The following ASNSD1 variants were observed in gnomAD, a reference collection of about 807,000 sequenced individuals.
ASNSD1 encodes asparagine synthetase domain-containing protein 1.
A neutral mutation model predicts 48.3 loss-of-function variants in ASNSD1; 36 were observed. That is an observed-to-expected ratio of 0.75 (90% CI 0.57 to 0.99). The LOEUF (loss-of-function observed/expected upper bound fraction) is 0.99. Among genes scored for constraint, ASNSD1 ranks in the 50% least tolerant of loss-of-function variants. The pLI is 0.00. For synonymous variants in ASNSD1, 257 were observed against 262.1 expected, an observed-to-expected ratio of 0.98 and a Z score of 0.19; for missense variants, 714 against 758.2, an observed-to-expected ratio of 0.94 and a Z score of 0.69.
At chr2:189,665,584 TTA>T (rs1289542564) in intron 3 of ASNSD1, 133 bp downstream of exon 3, 106 of 140,476 alleles carry the variant, frequency 7.5e-4, no homozygotes, top group African/African-American at 3.3e-3. Flanking sequence ...GAGTCAACAG[TTA>T]TATATATATG....
At position 189,666,659 on chromosome 2, in the gene ASNSD1, C is replaced by T; in HGVS notation, c.527C>T (p.Ser176Phe). Reference sequence around the variant, plus strand: ...AATCAGTGGCAAGAAGTTCCAGCATCTGGACTTTTCAGAATTGATCTTAAG... The same window carrying T: ...AATCAGTGGCAAGAAGTTCCAGCATTTGGACTTTTCAGAATTGATCTTAAG... ...LANQWQEVPA[S>F]GLFRIDLKST... The change falls in exon 4 of 6, where the codon TCT (serine) becomes TTT (phenylalanine). Residue 176 changes from serine (S) to phenylalanine (F), a missense_variant. By Grantham distance (155) the Ser-to-Phe change is radical (BLOSUM62 -2). Coordinates refer to ENST00000260952, the MANE Select transcript of ASNSD1 (RefSeq NM_019048.4). 1 of 1,614,126 alleles carries T rather than the reference C, an allele frequency of 6.2e-7. No homozygotes were observed. Among genetic ancestry groups the T allele is most frequent in the Non-Finnish European group, 8.5e-7 (1 of 1,179,982 alleles).
intron 1 of ASNSD1, among the ~76,000 whole-genome samples, chr2:189,662,879 A>G (rs571666280): frequency 1.3e-5 from 2 of 150,502 alleles, no homozygotes; most frequent in Non-Finnish European, 3.0e-5. Context: ...GCCCGGGAAG[A>G]TCAAAGCTGC....
chr2:189,669,949 A>G (rs2032892823), intron 5 of ASNSD1, among the ~76,000 whole-genome samples: 1 of 152,180 alleles, frequency 6.6e-6, no homozygotes, highest in South Asian at 2.1e-4. Context: ...TATTGGTTCC[A>G]TATCCCTAAA....
chr2:189,662,135 C>T (rs1205953416), intron 1 of ASNSD1, among the ~76,000 whole-genome samples: 1 of 152,222 alleles, frequency 6.6e-6, no homozygotes, highest in East Asian at 1.9e-4. Context: ...CTCTCCTCAT[C>T]CACCTGTTAG....
At position 189,666,860 on chromosome 2, in the gene ASNSD1, C is replaced by G; in HGVS notation, c.728C>G (p.Pro243Arg). 1 of 1,614,024 alleles carries G rather than the reference C, an allele frequency of 6.2e-7. No homozygotes were observed. The change falls in exon 4 of 6, where the codon CCT becomes CGT. Residue 243 changes from proline (P) to arginine (R), a missense_variant. Pro to Arg is a moderately radical substitution (Grantham distance 103). Coordinates refer to ENST00000260952, the MANE Select transcript of ASNSD1 (RefSeq NM_019048.4). Reference sequence around the variant, plus strand: ...CTGTATCTTGAAAAACCTGTTGTTCCTTTAAATATGATGTTGCCACAAGCT... The same window carrying G: ...CTGTATCTTGAAAAACCTGTTGTTCGTTTAAATATGATGTTGCCACAAGCT... Reference protein sequence around the residue: ...AKLYLEKPVVPLNMMLPQAAL... With the variant: ...AKLYLEKPVVRLNMMLPQAAL...
At position 189,667,543 on chromosome 2, in the gene ASNSD1, ATTGG is replaced by A. The variant is rs781106367; in HGVS notation, c.1418_1421del (p.Trp473Ter). 11 of 1,613,994 alleles carry A rather than the reference ATTGG, an allele frequency of 6.8e-6. No individual in the cohort carries two copies. The highest frequency in any genetic ancestry group is 2.2e-5 in the East Asian group (1 of 44,886). ...TGCAGTCTGGTTTGCTTCTAGAGGA[ATTGG>A]TTGGTTAGTGGCCCAGGAAGGAGTG... On this transcript the variant is annotated frameshift_variant, in exon 4 of 6. Coordinates refer to ENST00000260952, the MANE Select transcript of ASNSD1 (RefSeq NM_019048.4). LOFTEE classifies it high-confidence loss of function.
intron 2 of ASNSD1, 149 bp downstream of exon 2, chr2:189,664,103 ATTCT>A (rs2105683162): frequency 3.0e-6 from 1 of 327,986 alleles, no homozygotes; most frequent in South Asian, 1.6e-4. Flanking sequence ...AAGTGTCTAG[ATTCT>A]TTTTTTAAAT....
chr2:189,661,794 C>T (rs911067444), intron 1 of ASNSD1, among the ~76,000 whole-genome samples, 184 bp downstream of exon 1: 36 of 152,210 alleles, frequency 2.4e-4, no homozygotes, highest in African/African-American at 8.2e-4. Flanking sequence ...AAAACAGTTG[C>T]GAAAAGGGAG....
In ASNSD1 at chr2:189,667,295, A is replaced by G. The variant is rs2032830136; in HGVS notation, c.1163A>G (p.Asp388Gly). 1 of 1,614,042 alleles carries G rather than the reference A, an allele frequency of 6.2e-7. No homozygotes were observed. The highest frequency in any genetic ancestry group is 1.3e-5 in the African/African-American group (1 of 74,934). The part of the protein sequence containing the change: ...CEIPSEEFSK[D>G]VAAAAADSPN... ...ATACCTTCAGAAGAATTCTCTAAAG[A>G]TGTTGCTGCTGCTGCTGCTGACAGT... Residue 388 changes from aspartate to glycine, a missense_variant, in exon 4 of 6, where the codon GAT becomes GGT. Asp to Gly is a moderately conservative substitution (Grantham distance 94). Transcript: ENST00000260952.
rs777711639 is a variant in ASNSD1 at position 189,667,819 on chromosome 2, G to A, written c.1520G>A (p.Arg507His). ...CAACTTGCAGGTTATTCTCGTCATC[G>A]TGTCCGCTTTCAGTCGCATGGGCTG... The part of the protein sequence containing the change: ...DEQLAGYSRH[R>H]VRFQSHGLEG... Residue 507 changes from arginine to histidine, a missense_variant, in exon 5 of 6, where the codon CGT (arginine) becomes CAT (histidine). Arg to His is a conservative substitution (Grantham distance 29, BLOSUM62 0). Transcript: ENST00000260952. The A allele has an allele frequency of 1.1e-5, 18 of 1,613,904 alleles. No individual in the cohort carries two copies. The highest frequency in any genetic ancestry group is 3.3e-5 in the South Asian group (3 of 91,054).
rs2032825830 is a variant in ASNSD1 at position 189,667,162 on chromosome 2, C to T, written c.1030C>T (p.Pro344Ser). Residue 344 changes from proline (P) to serine (S), a missense_variant, in exon 4 of 6, where the codon CCT becomes TCT. Pro to Ser is a moderately conservative substitution (Grantham distance 74). Transcript: ENST00000260952. Reference protein sequence around the residue: ...VIATLADRHIPLDEPIDLLNV... With the variant: ...VIATLADRHISLDEPIDLLNV... ...TGCAACCCTTGCTGACCGTCATATT[C>T]CTTTAGATGAACCAATTGATCTTCT... The T allele has an allele frequency of 6.2e-7, 1 of 1,614,172 alleles. No individual in the cohort carries two copies. Among genetic ancestry groups the T allele is most frequent in the Middle Eastern group, 1.6e-4 (1 of 6,062 alleles).
rs138335278 is a variant in ASNSD1 at position 189,670,703 on chromosome 2, A to G, written c.1909A>G (p.Ile637Val). 2.8e-4 allele frequency: 439 copies of G among 1,594,796 alleles called. 2 individuals carry two copies. The highest frequency in any genetic ancestry group is 6.7e-5 in the African/African-American group (5 of 74,158). Residue 637 changes from isoleucine to valine, a missense_variant, in exon 6 of 6, where the codon ATT becomes GTT. Ile to Val is a conservative substitution (Grantham distance 29). Coordinates refer to ENST00000260952, the MANE Select transcript of ASNSD1 (RefSeq NM_019048.4). ...LQIMSLENLS[I>V]EKETKL is the part of the protein sequence containing the mutation. The stretch of plus-strand genomic sequence containing the variant: ...AATCATGTCCTTAGAAAATCTTTCT[A>G]TTGAAAAGGAGACTAAATTGTAATG...
intron 5 of ASNSD1, among the ~76,000 whole-genome samples, chr2:189,668,613 G>C (rs1460828012): frequency 6.6e-6 from 1 of 152,224 alleles, no homozygotes; most frequent in Non-Finnish European, 1.5e-5. Flanking sequence ...AAGGGCATAA[G>C]CCCCACCTGC....
chr2:189,666,916 A>T lies in ASNSD1; in HGVS notation c.784A>T (p.Asn262Tyr), dbSNP rs1352224548. The T allele has an allele frequency of 1.2e-6, 2 of 1,614,084 alleles. No individual in the cohort carries two copies. Among genetic ancestry groups the T allele is most frequent in the Admixed American group, 3.3e-5 (2 of 60,016 alleles). The change falls in exon 4 of 6, where the codon AAT becomes TAT. Residue 262 changes from asparagine (N) to tyrosine (Y), a missense_variant. Physicochemically the swap from Asn to Tyr is moderately radical, Grantham distance 143. Transcript: ENST00000260952. The stretch of plus-strand genomic sequence containing the variant: ...GGAGACTCATTGCAGTAATATTTCC[A>T]ATGTGCCACCTACAAGAGAGATACT... ...ALETHCSNIS[N>Y]VPPTREILQV...
At chr2:189,669,545 T>A (rs189796890) in intron 5 of ASNSD1, among the ~76,000 whole-genome samples, 118 of 152,368 alleles carry the variant, frequency 7.7e-4, no homozygotes, top group African/African-American at 2.7e-3. Context: ...CTAGTTAAAT[T>A]TGCTTTTGCA....
At chr2:189,664,718 G>T (rs1316204561) in intron 2 of ASNSD1, among the ~76,000 whole-genome samples, 1 of 151,670 alleles carries the variant, frequency 6.6e-6, no homozygotes, top group African/African-American at 2.4e-5. Context: ...CTGCACTCCA[G>T]CCTAGGCTAC....
intron 3 of ASNSD1, among the ~76,000 whole-genome samples, 165 bp downstream of exon 3, chr2:189,665,616 A>ACATATATATATATGTG (rs1559034453): frequency 9.3e-6 from 1 of 107,000 alleles, no homozygotes; most frequent in African/African-American, 3.7e-5. Flanking sequence ...ATATATATAT[A>ACATATATATATATGTG]TATATATATA....
chr2:189,663,662 G>A (rs1293940345), intron 1 of ASNSD1, among the ~76,000 whole-genome samples: 1 of 152,132 alleles, frequency 6.6e-6, no homozygotes, highest in African/African-American at 2.4e-5. Context: ...GTCTTAATGG[G>A]TTACCTAACA....
rs766441793 is a variant in ASNSD1, at chr2:189,670,492, T to C, written c.1698T>C (p.Ile566=). ...NVVSFLNSLP[I]WEKANLTLPR... ...TCTCCTTTCTAAATTCTCTGCCGAT[T>C]TGGGAAAAAGCAAACTTGACTTTAC... The change falls in exon 6 of 6, where the codon ATT becomes ATC. Residue 566 remains isoleucine (I), a synonymous_variant. Coordinates refer to ENST00000260952, the MANE Select transcript of ASNSD1 (RefSeq NM_019048.4). 5.6e-6 allele frequency: 9 copies of C among 1,613,368 alleles called. No homozygotes were observed. Among genetic ancestry groups the C allele is most frequent in the Admixed American group, 3.3e-5 (2 of 59,910 alleles).
Sources: gnomAD v4.1 joint callset for allele counts (sites outside exome capture counted in the v4.1 genomes callset) on GRCh38, gnomAD v4.1.1 for gene constraint, MANE v1.5 for transcripts, NCBI Gene and HGNC (gene_info 2026-07-23, HGNC 2026-07-21) for gene names.